Variants in SNAPC4 observed in about 807,000 individuals in gnomAD.
The protein encoded by SNAPC4 is small nuclear RNA activating complex polypeptide 4.
Under a neutral mutation model 151.3 loss-of-function variants are expected in SNAPC4, and 127 were observed. The observed-to-expected ratio is 0.84, with a 90% CI of 0.73 to 0.97. The LOEUF (loss-of-function observed/expected upper bound fraction) is 0.97, where lower values mean the gene tolerates loss of function less well. SNAPC4 is among the 50% of genes least tolerant of loss of function. The probability of loss-of-function intolerance (pLI) is 0.00; values close to 1 mark genes in which losing one functional copy is unlikely to be tolerated. For missense variants in SNAPC4, 2,186 were observed against 1,935.0 expected (o/e 1.13, Z -2.43); for synonymous variants, 1,002 against 824.4 (o/e 1.22, Z -3.69).
chr9:136,387,158 G>C (rs1405578070), intron 13 of SNAPC4, among the ~76,000 whole-genome samples: 2 of 152,232 alleles, frequency 1.3e-5, no homozygotes, highest in Non-Finnish European at 2.9e-5. Flanking sequence ...TGTGTGCCCA[G>C]AGGTCCTGCC....
chr9:136,377,964 C>G lies in SNAPC4; in HGVS notation c.3863G>C (p.Gly1288Ala). The G allele has an allele frequency of 6.2e-7, 1 of 1,601,128 alleles. No individual in the cohort carries two copies. The highest frequency in any genetic ancestry group is 8.5e-7 in the Non-Finnish European group (1 of 1,173,842). The change falls in exon 22 of 24, where the codon GGC becomes GCC. Residue 1288 changes from glycine to alanine, a missense_variant. Physicochemically the swap from Gly to Ala is moderately conservative, Grantham distance 60 (BLOSUM62 0). Coordinates refer to ENST00000684778, the MANE Select transcript of SNAPC4 (RefSeq NM_003086.4). Reference sequence around the variant, plus strand: ...AAGAGGCACACGCACCCCCCGCTGGCCCCCCAGCCACTGCTGTGTGGCCGC... The same window carrying G: ...AAGAGGCACACGCACCCCCCGCTGGGCCCCCAGCCACTGCTGTGTGGCCGC... ...GEAATQQWLG[G>A]QRGVRVPLLG...
chr9:136,392,164 G>A (rs983943830), intron 9 of SNAPC4, 58 bp from the exon 10 acceptor site: 46 of 1,591,480 alleles, frequency 2.9e-5, no homozygotes, highest in Admixed American at 1.5e-4. Flanking sequence ...CACCCTAGAC[G>A]CAGCTCCAGG....
rs769301420 is a variant in SNAPC4 at position 136,394,889 on chromosome 9, G to A, written c.472-11C>T. The A allele has an allele frequency of 5.0e-5, 81 of 1,612,642 alleles. No homozygotes were observed. The highest frequency in any genetic ancestry group is 2.7e-4 in the Admixed American group (16 of 59,974). ...GTTGGCAGGTGGCCCCTGTCAGGGTGCACGGCATCACCACAAGCACAGGCC... is the reference window on the plus strand; with the variant it reads ...GTTGGCAGGTGGCCCCTGTCAGGGTACACGGCATCACCACAAGCACAGGCC... On this transcript the variant is annotated splice_polypyrimidine_tract_variant and intron_variant, in intron 5 of 23. Transcript: ENST00000684778.
intron 22 of SNAPC4, among the ~76,000 whole-genome samples, chr9:136,376,873 G>A (rs1390556644): frequency 2.6e-5 from 4 of 152,194 alleles, no homozygotes; most frequent in South Asian, 2.1e-4. Context: ...ACCCTGGGGA[G>A]AGATGGAAGG....
chr9:136,394,388 C>A, intron 6 of SNAPC4, 58 bp from the exon 7 acceptor site: 1 of 1,482,434 alleles, frequency 6.7e-7, no homozygotes, highest in Non-Finnish European at 9.4e-7. Context: ...CGGCCCAGCC[C>A]CCACGGTTGG....
In SNAPC4 at chr9:136,377,486, G is replaced by C. The variant is rs1034204011; in HGVS notation, c.4284+57C>G. ...CCACCCCACTGCTCCAGGCAGGCGAGGGCACCCCAGGGACCGCCGCCTGCC... is the reference window on the plus strand; with the variant it reads ...CCACCCCACTGCTCCAGGCAGGCGACGGCACCCCAGGGACCGCCGCCTGCC... On this transcript the variant is annotated intron_variant, in intron 22 of 23. Coordinates refer to ENST00000684778, the MANE Select transcript of SNAPC4 (RefSeq NM_003086.4). The C allele has an allele frequency of 2.0e-6, 3 of 1,489,070 alleles. No individual in the cohort carries two copies. The East Asian group carries it at 6.9e-5, about 34-fold the overall frequency. The allele number at this position is 1,489,070 out of a possible 1,614,324, so 92.2% of individuals were successfully genotyped here. A position where few individuals can be genotyped will look rare whatever the true frequency, so the allele number is the denominator to read the frequency against.
In SNAPC4 at chr9:136,392,778, C is replaced by A; in HGVS notation, c.633-1G>T. On this transcript the variant is annotated splice_acceptor_variant, in intron 7 of 23. Transcript: ENST00000684778. LOFTEE classifies it high-confidence loss of function. Reference sequence around the variant, plus strand: ...CTGCTTCTGGTGCAAGTACTCGAGCCTGCAAAGCAGAGCAGAGGCAGAAGG... The same window carrying A: ...CTGCTTCTGGTGCAAGTACTCGAGCATGCAAAGCAGAGCAGAGGCAGAAGG... 1 of 1,613,268 alleles carries A rather than the reference C, an allele frequency of 6.2e-7. No individual in the cohort carries two copies. Among genetic ancestry groups the A allele is most frequent in the African/African-American group, 1.3e-5 (1 of 75,084 alleles).
chr9:136,382,004 G>A lies in SNAPC4; in HGVS notation c.2137C>T (p.Arg713Ter), dbSNP rs763187198. Residue 713 changes from arginine to a stop codon, truncating the protein, a stop_gained, in exon 18 of 24, where the codon CGA becomes TGA. Transcript: ENST00000684778. LOFTEE classifies it high-confidence loss of function. ...TGCCGTAGCCACTGCACATGGGATC[G>A]GGCCACGCTGTCACCAGAGCTGACC... ...PGVSSGDSVARSHVQWLRHRA... is the reference protein window; with the variant it reads ...PGVSSGDSVA The A allele has an allele frequency of 3.2e-5, 52 of 1,609,630 alleles. No homozygotes were observed. Among genetic ancestry groups the A allele is most frequent in the African/African-American group, 5.3e-5 (4 of 74,836 alleles).
rs751323747 is a variant in SNAPC4 at position 136,377,676 on chromosome 9, T to TG, written c.4150dup (p.Gln1384ProfsTer16). On this transcript the variant is annotated frameshift_variant, in exon 22 of 24. Coordinates refer to ENST00000684778, the MANE Select transcript of SNAPC4 (RefSeq NM_003086.4). LOFTEE classifies it high-confidence loss of function. ...TACTGAGAGGGTGGTGCGGACGCCT[T>TG]GGGGGGCCAGGGTGGCCAGGAGCGC... The TG allele has an allele frequency of 1.2e-6, 2 of 1,607,504 alleles. No homozygotes were observed. Among genetic ancestry groups the TG allele is most frequent in the East Asian group, 2.2e-5 (1 of 44,738 alleles).
chr9:136,398,329 C>T lies in SNAPC4; in HGVS notation c.100G>A (p.Glu34Lys). The T allele has an allele frequency of 6.2e-7, 1 of 1,613,780 alleles. No homozygotes were observed. Among genetic ancestry groups the T allele is most frequent in the South Asian group, 1.1e-5 (1 of 91,078 alleles). The stretch of plus-strand genomic sequence containing the variant: ...TCAGAATCTGACTCGAGACTTGATT[C>T]TGAGATCTCCACGTGGGAGCCCGAG... ...GSSGSHVEIS[E>K]SSLESDSEAD... Residue 34 changes from glutamate (E) to lysine (K), a missense_variant, in exon 2 of 24, where the codon GAA (glutamate) becomes AAA (lysine). Coordinates refer to ENST00000684778, the MANE Select transcript of SNAPC4 (RefSeq NM_003086.4).
At chr9:136,393,744 G>T (rs915816634) in intron 7 of SNAPC4, among the ~76,000 whole-genome samples, 6 of 152,218 alleles carry the variant, frequency 3.9e-5, no homozygotes, top group African/African-American at 1.4e-4. Flanking sequence ...CCTGCGCTTA[G>T]CCGCCCGCCC....
chr9:136,394,452 C>A, intron 6 of SNAPC4, 122 bp from the exon 7 acceptor site: 1 of 829,802 alleles, frequency 1.2e-6, no homozygotes. Flanking sequence ...AGCAGCACGC[C>A]AGACCTACTG....
At chr9:136,396,389 C>T (rs906527089) in intron 3 of SNAPC4, among the ~76,000 whole-genome samples, 5 of 152,242 alleles carry the variant, frequency 3.3e-5, no homozygotes, top group African/African-American at 1.2e-4. Context: ...CCTCACAGAG[C>T]AGTTGCCAGG....
chr9:136,390,290 T>G (rs922489503), intron 10 of SNAPC4, among the ~76,000 whole-genome samples: 4 of 152,002 alleles, frequency 2.6e-5, no homozygotes, highest in South Asian at 2.1e-4. Flanking sequence ...GCGCGGTGGC[T>G]CACGTCTGTA....
At position 136,377,665 on chromosome 9, in the gene SNAPC4, T is replaced by C; in HGVS notation, c.4162A>G (p.Thr1388Ala). Reference sequence around the variant, plus strand: ...ACCCTCGAAGGTACTGAGAGGGTGGTGCGGACGCCTTGGGGGGCCAGGGTG... The same window carrying C: ...ACCCTCGAAGGTACTGAGAGGGTGGCGCGGACGCCTTGGGGGGCCAGGGTG... ...LATLAPQGVR[T>A]TLSVPSRVGS... is the part of the protein sequence containing the mutation. The change falls in exon 22 of 24, where the codon ACC becomes GCC. Residue 1388 changes from threonine (T) to alanine (A), a missense_variant. Transcript: ENST00000684778. The C allele has an allele frequency of 6.2e-7, 1 of 1,606,202 alleles. No homozygotes were observed. The highest frequency in any genetic ancestry group is 1.3e-5 in the African/African-American group (1 of 74,878).
In SNAPC4 at chr9:136,383,036, C is replaced by T. The variant is rs1485524825; in HGVS notation, c.1983+150G>A. ...GAGGCTTCCCCAACAGTCCCCCCGA[C>T]GCACAGCTGTCCAGAGCTCAGCCAG... On this transcript the variant is annotated intron_variant, in intron 16 of 23. Transcript: ENST00000684778. The surrounding 1 kb of genome is among the most constrained non-coding windows in gnomAD (Gnocchi z 4.2). 16 of 1,294,226 alleles carry T rather than the reference C, an allele frequency of 1.2e-5. No homozygotes were observed. The highest frequency in any genetic ancestry group is 2.7e-5 in the East Asian group (1 of 37,500). 80.2% of individuals were successfully genotyped at this position (1,294,226 alleles called of 1,614,324 possible). A position where few individuals can be genotyped will look rare whatever the true frequency, so the allele number is the denominator to read the frequency against.
At chr9:136,398,476 A>G in intron 1 of SNAPC4, 39 bp from the exon 2 acceptor site, 1 of 1,595,074 alleles carries the variant, frequency 6.3e-7, no homozygotes, top group Non-Finnish European at 8.6e-7. Context: ...AGAAACCAAG[A>G]CCGTGCCGGG....
At chr9:136,380,181 G>A (rs1564380100) in intron 20 of SNAPC4, among the ~76,000 whole-genome samples, 1 of 152,148 alleles carries the variant, frequency 6.6e-6, no homozygotes, top group African/African-American at 2.4e-5. Context: ...GGACGTTGTC[G>A]TGCCCTGCAC....
chr9:136,392,014 C>G lies in SNAPC4; in HGVS notation c.903G>C (p.Glu301Asp), dbSNP rs1230069163. The G allele has an allele frequency of 1.2e-6, 2 of 1,611,816 alleles. No individual in the cohort carries two copies. Among genetic ancestry groups the G allele is most frequent in the South Asian group, 1.1e-5 (1 of 91,070 alleles). The stretch of plus-strand genomic sequence containing the variant: ...CCGCGATCGCCTGCAGCCGCTCCTC[C>G]TCCTCCCTGCTCCACTCCTGCTTGT... ...SINKQEWSRE[E>D]EERLQAIAAA... The change falls in exon 10 of 24, where the codon GAG (glutamate) becomes GAC (aspartate). Residue 301 changes from glutamate to aspartate, a missense_variant. Glu to Asp is a conservative substitution (Grantham distance 45). Coordinates refer to ENST00000684778, the MANE Select transcript of SNAPC4 (RefSeq NM_003086.4).
Sources: gnomAD v4.1 joint callset for allele counts (sites outside exome capture counted in the v4.1 genomes callset) on GRCh38, gnomAD v4.1.1 for gene constraint, Gnocchi (gnomAD v3.1) non-coding constraint, MANE v1.5 for transcripts, NCBI Gene and HGNC (gene_info 2026-07-23, HGNC 2026-07-21) for gene names.